Variants in TANGO6 observed in about 807,000 individuals in gnomAD.
TANGO6 encodes transport and Golgi organization protein 6 homolog.
TANGO6 carries 90 observed loss-of-function variants against 114.2 expected under a neutral mutation model. The ratio of observed to expected loss-of-function variants is 0.79; its 90% CI spans 0.66 to 0.94. The LOEUF (loss-of-function observed/expected upper bound fraction) is 0.94, where lower values mean the gene tolerates loss of function less well. Among genes scored for constraint, TANGO6 ranks in the 40% least tolerant of loss-of-function variants. The pLI is 0.00. For missense variants in TANGO6, 1,274 were observed against 1,315.3 expected (o/e 0.97, Z 0.49); for synonymous variants, 477 against 509.8 (o/e 0.94, Z 0.87).
chr16:68,919,333 C>T, intron 12 of TANGO6, 114 bp downstream of exon 12: 5 of 1,324,000 alleles, frequency 3.8e-6, no homozygotes, highest in Non-Finnish European at 5.1e-6. Flanking sequence ...CATAGGAGAA[C>T]CTAGATAAAG....
chr16:69,059,810 G>C (rs1188421264), intron 17 of TANGO6, among the ~76,000 whole-genome samples: 1 of 152,188 alleles, frequency 6.6e-6, no homozygotes, highest in Non-Finnish European at 1.5e-5. Context: ...TATAGCCAGA[G>C]AGATCTTCCT....
At chr16:68,933,515 G>A (rs986733618) in intron 14 of TANGO6, among the ~76,000 whole-genome samples, 7 of 152,270 alleles carry the variant, frequency 4.6e-5, no homozygotes, top group South Asian at 4.2e-4. Context: ...AAGGTTCAGC[G>A]GGGCTTGGCT....
intron 3 of TANGO6, among the ~76,000 whole-genome samples, chr16:68,866,114 C>T (rs1962173501): frequency 6.6e-6 from 1 of 151,958 alleles, no homozygotes; most frequent in African/African-American, 2.4e-5. Context: ...TTTGCATTAA[C>T]TTTGTGTTCC....
At chr16:69,053,090 C>T (rs1443031522) in intron 17 of TANGO6, among the ~76,000 whole-genome samples, 2 of 152,000 alleles carry the variant, frequency 1.3e-5, no homozygotes, top group East Asian at 1.9e-4. Context: ...GCAACAAGGG[C>T]GAAACTCGGT....
chr16:69,043,016 A>G (rs1017633305), intron 17 of TANGO6, among the ~76,000 whole-genome samples: 2 of 152,168 alleles, frequency 1.3e-5, no homozygotes, highest in East Asian at 1.9e-4. Context: ...CTTGAGCCCA[A>G]GAGTTCGAGA....
Position 68,930,266 on chromosome 16 carries a change from A to T in TANGO6, c.2672A>T (p.Asp891Val). 1 of 1,554,630 alleles carries T rather than the reference A, an allele frequency of 6.4e-7. No homozygotes were observed. Among genetic ancestry groups the T allele is most frequent in the Non-Finnish European group, 8.7e-7 (1 of 1,147,976 alleles). The stretch of plus-strand genomic sequence containing the variant: ...TTCTTGGAAAACTTGGAACATGAAG[A>T]CACTTTTGTATATCTATCTGCAATT... The part of the protein sequence containing the change: ...KIFLENLEHE[D>V]TFVYLSAIQG... The change falls in exon 14 of 18, where the codon GAC (aspartate) becomes GTC (valine). Residue 891 changes from aspartate to valine, a missense_variant. By Grantham distance (152) the Asp-to-Val change is radical. This residue lies in a region of TANGO6 where 238 missense variants were observed against 252.9 expected (regional missense o/e 0.94). Transcript: ENST00000261778.
chr16:68,998,947 A>G (rs1419041530), intron 15 of TANGO6, among the ~76,000 whole-genome samples: 3 of 151,726 alleles, frequency 2.0e-5, no homozygotes, highest in Non-Finnish European at 4.4e-5. Context: ...CAGTGGCACA[A>G]TCTTGGCTCA....
chr16:68,898,946 C>CTTATTATTA lies in TANGO6; in HGVS notation c.1378-1461_1378-1453dup, dbSNP rs143073228. On this transcript the variant is annotated intron_variant, in intron 7 of 17. Transcript: ENST00000261778. ...TCTTAAGATACTTGCAATTATCTGC[C>CTTATTATTA]TTATTATTATTATTATTATTATTAT... Among the ~76,000 whole-genome samples, 1,163 of 144,974 alleles carry CTTATTATTA rather than the reference C, an allele frequency of 8.0e-3. 5 individuals are homozygous for CTTATTATTA. The highest frequency in any genetic ancestry group is 1.0e-2 in the African/African-American group (396 of 39,680).
At position 68,974,126 on chromosome 16, in the gene TANGO6, A is replaced by G. The variant is rs1422230136; in HGVS notation, c.2800A>G (p.Met934Val). ...SKDKHTPETR[M>V]KVGEVLMRIV... Reference sequence around the variant, plus strand: ...AGACAAGCACACACCAGAGACCAGAATGAAAGTCGGGGAAGTCCTTATGCG... The same window carrying G: ...AGACAAGCACACACCAGAGACCAGAGTGAAAGTCGGGGAAGTCCTTATGCG... Residue 934 changes from methionine to valine, a missense_variant, in exon 15 of 18, where the codon ATG (methionine) becomes GTG (valine). Around this residue, in one of 5 missense-constraint regions of TANGO6, gnomAD observed 238 missense variants for 252.9 expected, o/e 0.94. Transcript: ENST00000261778. 4 of 1,613,882 alleles carry G rather than the reference A, an allele frequency of 2.5e-6. No homozygotes were observed. The East Asian group carries it at 6.7e-5, about 27-fold the overall frequency.
At chr16:69,055,495 A>C (rs1481483367) in intron 17 of TANGO6, among the ~76,000 whole-genome samples, 2 of 152,242 alleles carry the variant, frequency 1.3e-5, no homozygotes, top group Non-Finnish European at 2.9e-5. Context: ...AAATTCTAGA[A>C]AGGAGTCTTA....
intron 16 of TANGO6, among the ~76,000 whole-genome samples, chr16:69,038,909 C>G (rs1366906822): frequency 6.6e-6 from 1 of 152,014 alleles, no homozygotes; most frequent in Non-Finnish European, 1.5e-5. Context: ...GTGGGCCAGG[C>G]TCAGTGGCTC....
intron 15 of TANGO6, among the ~76,000 whole-genome samples, chr16:68,986,087 C>T (rs563683786): frequency 1.3e-5 from 2 of 152,216 alleles, no homozygotes; most frequent in East Asian, 1.9e-4. Context: ...GTCATCATGA[C>T]GTACAAAGAA....
intron 3 of TANGO6, among the ~76,000 whole-genome samples, chr16:68,865,791 G>A (rs1962167847): frequency 1.3e-5 from 2 of 151,760 alleles, no homozygotes; most frequent in Admixed American, 1.3e-4. Context: ...GGTGGCAGGT[G>A]CCTGTAGTCC....
At chr16:69,043,781 A>T (rs1959809702) in intron 17 of TANGO6, among the ~76,000 whole-genome samples, 1 of 152,192 alleles carries the variant, frequency 6.6e-6, no homozygotes, top group African/African-American at 2.4e-5. Flanking sequence ...CTGTTGATGA[A>T]GTTCTGTGTT....
chr16:68,863,302 T>G, intron 3 of TANGO6: 1 of 319,582 alleles, frequency 3.1e-6, no homozygotes, highest in Non-Finnish European at 5.7e-6. Flanking sequence ...TATGATCACT[T>G]TTTTTAAGAC....
chr16:68,870,592 C>T (rs1332347090), intron 4 of TANGO6, among the ~76,000 whole-genome samples: 1 of 152,100 alleles, frequency 6.6e-6, no homozygotes, highest in Non-Finnish European at 1.5e-5. Context: ...CTATGAGTTC[C>T]CCCAACTTGT....
rs1327808161 is a variant in TANGO6, at chr16:68,860,348, G to A, written c.559G>A (p.Ala187Thr). 1.2e-6 allele frequency: 2 copies of A among 1,613,824 alleles called. No homozygotes were observed. Among genetic ancestry groups the A allele is most frequent in the Non-Finnish European group, 1.7e-6 (2 of 1,179,894 alleles). ...AVVQDVVCFD[A>T]APDATRRLYT... ...CGTTCAAGACGTGGTGTGTTTTGAT[G>A]CTGCCCCCGATGCAACTCGAAGACT... The change falls in exon 2 of 18, where the codon GCT becomes ACT. Residue 187 changes from alanine to threonine, a missense_variant. Ala to Thr is a moderately conservative substitution (Grantham distance 58). Around this residue, in one of 5 missense-constraint regions of TANGO6, gnomAD observed 908 missense variants for 910.2 expected, o/e 1.00. Coordinates refer to ENST00000261778, the MANE Select transcript of TANGO6 (RefSeq NM_024562.2).
chr16:68,979,392 A>G lies in TANGO6; in HGVS notation c.2842+5224A>G, dbSNP rs985963189. Among the ~76,000 whole-genome samples, 12 of 151,736 alleles carry G rather than the reference A, an allele frequency of 7.9e-5. No homozygotes were observed. The East Asian group carries it at 1.6e-3, about 20-fold the overall frequency. ...CTACAGGCGCGTGCCACTGCGTCCA[A>G]CTAATTTTTGTATTTTTAGTAGAGA... On this transcript the variant is annotated intron_variant, in intron 15 of 17. Coordinates refer to ENST00000261778, the MANE Select transcript of TANGO6 (RefSeq NM_024562.2).
chr16:68,937,899 G>A (rs1963315629), intron 14 of TANGO6, among the ~76,000 whole-genome samples: 1 of 152,146 alleles, frequency 6.6e-6, no homozygotes, highest in African/African-American at 2.4e-5. Context: ...AGGAACATTT[G>A]TGTACAAGTT....
Sources: gnomAD v4.1 joint callset for allele counts (sites outside exome capture counted in the v4.1 genomes callset) on GRCh38, gnomAD v4.1.1 for gene constraint, gnomAD v4.1.1 regional missense constraint, MANE v1.5 for transcripts, NCBI Gene and HGNC (gene_info 2026-07-23, HGNC 2026-07-21) for gene names.